Variants in UNKL observed in about 807,000 individuals in gnomAD.
UNKL encodes putative E3 ubiquitin-protein ligase UNKL.
UNKL carries 60 observed loss-of-function variants against 78.0 expected under a neutral mutation model. The observed-to-expected ratio is 0.77, with a 90% CI of 0.63 to 0.95. The LOEUF is 0.95. Among genes scored for constraint, UNKL ranks in the 40% least tolerant of loss-of-function variants. The pLI, the probability that UNKL is intolerant of heterozygous loss-of-function variation, is 0.00. For synonymous variants in UNKL, 608 were observed against 474.8 expected, an observed-to-expected ratio of 1.28 and a Z score of -3.65; for missense variants, 1,159 against 1,045.7, an observed-to-expected ratio of 1.11 and a Z score of -1.49.
chr16:1,397,912 G>T (rs928013181), intron 5 of UNKL, among the ~76,000 whole-genome samples: 1 of 152,246 alleles, frequency 6.6e-6, no homozygotes, highest in Non-Finnish European at 1.5e-5. Context: ...CTCGGGCATG[G>T]GGCCCTGGAG....
chr16:1,369,016 G>A lies in UNKL; in HGVS notation c.1585+1114C>T, dbSNP rs985972499. ...CCACCTCGACCTCCCAAAGTGCTGG[G>A]ATTACAGGCTTGAGCCACTATGTTG... On this transcript the variant is annotated intron_variant, in intron 12 of 14. Transcript: ENST00000389221. 7.3e-5 allele frequency among the ~76,000 whole-genome samples: 11 copies of A among 150,670 alleles called. No individual in the cohort carries two copies. The East Asian group carries it at 2.0e-3, about 27-fold the overall frequency.
intron 11 of UNKL, among the ~76,000 whole-genome samples, 179 bp from the exon 12 acceptor site, chr16:1,370,536 C>T (rs1043446684): frequency 5.3e-5 from 8 of 152,110 alleles, no homozygotes; most frequent in Non-Finnish European, 1.0e-4. Flanking sequence ...ACAGCGCCCC[C>T]GGTGGCCATG....
chr16:1,411,150 A>C (rs1008646467), intron 2 of UNKL, among the ~76,000 whole-genome samples: 2 of 152,120 alleles, frequency 1.3e-5, no homozygotes, highest in Non-Finnish European at 2.9e-5. Context: ...CAGGAGTTTG[A>C]GACTGAGACC....
chr16:1,377,888 G>A (rs1165517432), intron 10 of UNKL, among the ~76,000 whole-genome samples: 1 of 151,872 alleles, frequency 6.6e-6, no homozygotes, highest in African/African-American at 2.4e-5. Context: ...CACACCCCCT[G>A]AGGCCCATGC....
intron 9 of UNKL, among the ~76,000 whole-genome samples, chr16:1,386,904 G>A (rs1207013852): frequency 1.3e-5 from 2 of 152,156 alleles, no homozygotes; most frequent in Non-Finnish European, 2.9e-5. Context: ...TCTGGAGACA[G>A]CCACCAGAGC....
At chr16:1,378,515 C>A (rs1297221271) in intron 10 of UNKL, among the ~76,000 whole-genome samples, 13 of 152,194 alleles carry the variant, frequency 8.5e-5, no homozygotes, top group African/African-American at 3.1e-4. Flanking sequence ...GGTGATCCCA[C>A]CAGGCTCCGT....
Position 1,397,093 on chromosome 16 carries a change from T to C in UNKL, c.852+85A>G, listed in dbSNP as rs1259765877. The C allele has an allele frequency of 2.1e-6, 3 of 1,418,924 alleles. No individual in the cohort carries two copies. In the East Asian group the frequency reaches 7.5e-5, roughly 35 times the overall value. The allele number at this position is 1,418,924 out of a possible 1,614,324, so 87.9% of individuals were successfully genotyped here. A position where few individuals can be genotyped will look rare whatever the true frequency, so the allele number is the denominator to read the frequency against. On this transcript the variant is annotated intron_variant, in intron 6 of 14. Coordinates refer to ENST00000389221, the MANE Select transcript of UNKL (RefSeq NM_001372107.1). ...TCGGCCAAAGTTAATCACTGTTCCT[T>C]CTGTGTGATAACCACGCTGTGAACC...
intron 2 of UNKL, chr16:1,405,863 T>C (rs1354026682): frequency 2.2e-6 from 1 of 446,056 alleles, no homozygotes; most frequent in Non-Finnish European, 4.5e-6. Context: ...GGCAGCCAGA[T>C]CCTGGAGTGC....
chr16:1,403,467 C>T lies in UNKL; in HGVS notation c.288-123G>A. The T allele has an allele frequency of 1.6e-6, 2 of 1,217,638 alleles. No homozygotes were observed. The highest frequency in any genetic ancestry group is 2.3e-6 in the Non-Finnish European group (2 of 884,382). The allele number at this position is 1,217,638 out of a possible 1,614,324, so 75.4% of individuals were successfully genotyped here. A position where few individuals can be genotyped will look rare whatever the true frequency, so the allele number is the denominator to read the frequency against. On this transcript the variant is annotated intron_variant, in intron 2 of 14. Coordinates refer to ENST00000389221, the MANE Select transcript of UNKL (RefSeq NM_001372107.1). This position sits in a 1 kb window ranked among gnomAD's most constrained non-coding sequence, Gnocchi z 4.8. Reference sequence around the variant, plus strand: ...GAATTCCCTTCCCTTCTTCCAGATTCCTGTTCTAATCAGAAGGACGGACAC... The same window carrying T: ...GAATTCCCTTCCCTTCTTCCAGATTTCTGTTCTAATCAGAAGGACGGACAC...
chr16:1,377,877 C>T (rs2036348697), intron 10 of UNKL, among the ~76,000 whole-genome samples: 1 of 152,076 alleles, frequency 6.6e-6, no homozygotes. Context: ...CTCGCTCAAC[C>T]CACACCCCCT....
Position 1,387,272 on chromosome 16 carries a change from C to T in UNKL, c.1087-1887G>A, listed in dbSNP as rs1434862324. On this transcript the variant is annotated intron_variant, in intron 9 of 14. Transcript: ENST00000389221. The surrounding 1 kb of genome is among the most constrained non-coding windows in gnomAD (Gnocchi z 4.1). Reference sequence around the variant, plus strand: ...GTGCTGCCAATACCCCCTATCAATCCCCCATGGTGAGCCTGGTGACAGGGT... The same window carrying T: ...GTGCTGCCAATACCCCCTATCAATCTCCCATGGTGAGCCTGGTGACAGGGT... Among the ~76,000 whole-genome samples, 5 of 152,176 alleles carry T rather than the reference C, an allele frequency of 3.3e-5. No homozygotes were observed. Among genetic ancestry groups the T allele is most frequent in the African/African-American group, 1.2e-4 (5 of 41,438 alleles).
At position 1,370,176 on chromosome 16, in the gene UNKL, T is replaced by C; in HGVS notation, c.1539A>G (p.Ser513=). 5 of 1,517,042 alleles carry C rather than the reference T, an allele frequency of 3.3e-6. No homozygotes were observed. Among genetic ancestry groups the C allele is most frequent in the Non-Finnish European group, 4.4e-6 (5 of 1,127,666 alleles). 94.0% of individuals were successfully genotyped at this position (1,517,042 alleles called of 1,614,324 possible). ...CTGCAGAGCCCAGTGTGCCCGGCTC[T>C]GAACGCAGGGGTGGCGGCTGCTGGG... ...TPPQQPPPLR[S]EPGTLGSAAS... is the part of the protein sequence containing the mutation. Residue 513 remains serine (S), a synonymous_variant, in exon 12 of 15, where the codon TCA becomes TCG. Coordinates refer to ENST00000389221, the MANE Select transcript of UNKL (RefSeq NM_001372107.1).
chr16:1,399,180 A>T lies in UNKL; in HGVS notation c.734+194T>A. On this transcript the variant is annotated intron_variant, in intron 5 of 14. Transcript: ENST00000389221. The surrounding 1 kb of genome is among the most constrained non-coding windows in gnomAD (Gnocchi z 5.8). ...ACACTGAGCGTAGGTGGGGAGGCCC[A>T]TCCCCAGGACAGACGCGTGGGCCTC... is the stretch of plus-strand genomic sequence containing the variant. 1 of 1,148,560 alleles carries T rather than the reference A, an allele frequency of 8.7e-7. No homozygotes were observed. The highest frequency in any genetic ancestry group is 1.6e-5 in the South Asian group (1 of 60,608). The allele number at this position is 1,148,560 out of a possible 1,614,324, so 71.1% of individuals were successfully genotyped here.
chr16:1,369,813 A>G, intron 12 of UNKL: 1 of 832,610 alleles, frequency 1.2e-6, no homozygotes, highest in Non-Finnish European at 1.9e-6. Context: ...CATCTCTACT[A>G]AAAATACAAA....
At position 1,367,721 on chromosome 16, in the gene UNKL, G is replaced by A. The variant is rs747480097; in HGVS notation, c.1723C>T (p.Arg575Trp). 1.3e-5 allele frequency: 20 copies of A among 1,579,764 alleles called. No homozygotes were observed. The highest frequency in any genetic ancestry group is 5.5e-5 in the Admixed American group (3 of 54,976). ...TTCCTCTTGGCCTCGTCCAGCTGCC[G>A]CCTGACCCGGGCCAGCTCAGCTCCG... is the stretch of plus-strand genomic sequence containing the variant. ...PNGAELARVRRQLDEAKRKIR... is the reference protein window; with the variant it reads ...PNGAELARVRWQLDEAKRKIR... Residue 575 changes from arginine to tryptophan, a missense_variant, in exon 13 of 15, where the codon CGG (arginine) becomes TGG (tryptophan). Arg to Trp is a moderately radical substitution (Grantham distance 101, BLOSUM62 -3). Transcript: ENST00000389221.
In UNKL at chr16:1,365,597, T is replaced by G. The variant is rs1024926677; in HGVS notation, c.*643A>C. On this transcript the variant is annotated 3_prime_UTR_variant, in exon 15 of 15. Transcript: ENST00000389221. ...AAAACATCTCAATCCATAATCACTC[T>G]GCTTATAAATACTATTTGCACTTAA... 4 of 152,676 alleles carry G rather than the reference T, an allele frequency of 2.6e-5. No individual in the cohort carries two copies. The highest frequency in any genetic ancestry group is 5.9e-5 in the Non-Finnish European group (4 of 68,048). 9.5% of individuals were successfully genotyped at this position (152,676 alleles called of 1,614,324 possible).
chr16:1,403,460 C>T lies in UNKL; in HGVS notation c.288-116G>A. 8.0e-7 allele frequency: 1 copy of T among 1,246,244 alleles called. No individual in the cohort carries two copies. Among genetic ancestry groups the T allele is most frequent in the Non-Finnish European group, 1.1e-6 (1 of 907,366 alleles). 77.2% of individuals were successfully genotyped at this position (1,246,244 alleles called of 1,614,324 possible). On this transcript the variant is annotated intron_variant, in intron 2 of 14. Coordinates refer to ENST00000389221, the MANE Select transcript of UNKL (RefSeq NM_001372107.1). This position sits in a 1 kb window ranked among gnomAD's most constrained non-coding sequence, Gnocchi z 4.8. ...AAGCAGTGAATTCCCTTCCCTTCTT[C>T]CAGATTCCTGTTCTAATCAGAAGGA...
In UNKL at chr16:1,398,933, A is replaced by T. The variant is rs1220174835; in HGVS notation, c.734+441T>A. ...ACTCAGCCTAAGGACCCGGCGTCCC[A>T]GCTGCCAGCTGTGAAGACAAGATTG... On this transcript the variant is annotated intron_variant, in intron 5 of 14. Coordinates refer to ENST00000389221, the MANE Select transcript of UNKL (RefSeq NM_001372107.1). The T allele has an allele frequency of 3.2e-6, 5 of 1,549,200 alleles. No individual in the cohort carries two copies. The Admixed American group carries it at 9.8e-5, about 30-fold the overall frequency.
chr16:1,382,487 G>T (rs2036639009), intron 10 of UNKL, among the ~76,000 whole-genome samples: 1 of 152,092 alleles, frequency 6.6e-6, no homozygotes, highest in Non-Finnish European at 1.5e-5. Flanking sequence ...CCCACCACTG[G>T]GCGCTGGGTC....
Sources: allele counts gnomAD v4.1 joint callset (sites outside exome capture counted in the v4.1 genomes callset), GRCh38; gene constraint gnomAD v4.1.1; non-coding constraint Gnocchi (gnomAD v3.1); transcripts MANE v1.5; gene names NCBI Gene and HGNC (gene_info 2026-07-23, HGNC 2026-07-21).